The following PTPRD variants were observed in gnomAD, a reference collection of about 807,000 sequenced individuals.
PTPRD encodes the protein receptor-type tyrosine-protein phosphatase delta.
PTPRD carries 34 observed loss-of-function variants against 214.5 expected under a neutral mutation model. That is an observed-to-expected ratio of 0.16 (90% confidence interval 0.12 to 0.21). PTPRD has a LOEUF of 0.21. Ranked by LOEUF, PTPRD falls within the 10% of genes least tolerant of loss-of-function variation. The probability of loss-of-function intolerance (pLI) is 1.00; values close to 1 mark genes in which losing one functional copy is unlikely to be tolerated. For synonymous variants in PTPRD, 1,128 were observed against 845.7 expected (o/e 1.33, Z -5.79); for missense variants, 2,545 against 2,398.7 (o/e 1.06, Z -1.27).
chr9:9,223,237 A>G (rs566052031), intron 9 of PTPRD, among the ~76,000 whole-genome samples: 12 of 152,054 alleles, frequency 7.9e-5, no homozygotes, highest in African/African-American at 2.2e-4. Flanking sequence ...TCAACATGTC[A>G]TCATAATACT....
At chr9:8,603,606 G>A (rs9792461) in intron 14 of PTPRD, among the ~76,000 whole-genome samples, 16,668 of 152,102 alleles carry the variant, frequency 0.11, 936 homozygotes, top group East Asian at 0.18. Context: ...GCTGTCAATA[G>A]AAGTCACCCG....
chr9:9,777,426 G>A (rs754293830), intron 5 of PTPRD, among the ~76,000 whole-genome samples: 4 of 152,104 alleles, frequency 2.6e-5, no homozygotes, highest in Non-Finnish European at 5.9e-5. Flanking sequence ...TAGGTGTGGT[G>A]GCTAATGCTT....
At chr9:9,958,427 A>C (rs929621780) in intron 4 of PTPRD, among the ~76,000 whole-genome samples, 1 of 152,158 alleles carries the variant, frequency 6.6e-6, no homozygotes, top group African/African-American at 2.4e-5. Flanking sequence ...GCTACTAGGG[A>C]GACTGAGGCA....
intron 7 of PTPRD, among the ~76,000 whole-genome samples, chr9:9,730,109 G>C (rs1473534190): frequency 6.6e-6 from 1 of 151,926 alleles, no homozygotes; most frequent in Non-Finnish European, 1.5e-5. Flanking sequence ...AATATTTTTG[G>C]TACATATAAA....
At chr9:9,107,669 C>A (rs902649246) in intron 10 of PTPRD, among the ~76,000 whole-genome samples, 20 of 152,108 alleles carry the variant, frequency 1.3e-4, no homozygotes, top group Admixed American at 1.2e-3. Context: ...TTGTCCTTGT[C>A]CCCTTTGGTT....
intron 3 of PTPRD, among the ~76,000 whole-genome samples, chr9:10,285,387 T>C (rs1451749446): frequency 6.6e-6 from 1 of 152,168 alleles, no homozygotes; most frequent in East Asian, 1.9e-4. Flanking sequence ...AACATCAAAA[T>C]GTTGCATATT....
chr9:8,327,593 C>A (rs558137523), intron 44 of PTPRD, among the ~76,000 whole-genome samples: 120 of 152,180 alleles, frequency 7.9e-4, no homozygotes, highest in Admixed American at 3.5e-3. Flanking sequence ...AATGTCCTTG[C>A]TAATGTTCTA....
intron 8 of PTPRD, among the ~76,000 whole-genome samples, chr9:9,557,489 G>A (rs2081836361): frequency 6.6e-6 from 1 of 152,064 alleles, no homozygotes; most frequent in Non-Finnish European, 1.5e-5. Context: ...TCTCTCGGGA[G>A]AAAAAAATCT....
intron 8 of PTPRD, among the ~76,000 whole-genome samples, chr9:9,405,134 A>C (rs2141587802): frequency 6.6e-6 from 1 of 152,192 alleles, no homozygotes; most frequent in South Asian, 2.1e-4. Context: ...ATTCCTTTCA[A>C]AATCTAAAAC....
chr9:10,487,965 AGT>A (rs1491348850), intron 2 of PTPRD, among the ~76,000 whole-genome samples: 1 of 51,662 alleles, frequency 1.9e-5, no homozygotes, highest in African/African-American at 7.4e-5. Context: ...AAATGAACAC[AGT>A]CTCTCTCTCT....
intron 7 of PTPRD, among the ~76,000 whole-genome samples, chr9:9,621,942 A>G (rs148219047): frequency 3.7e-4 from 57 of 152,322 alleles, no homozygotes; most frequent in African/African-American, 1.3e-3. Flanking sequence ...AGTAAGGCAA[A>G]TAAGCTTAGG....
At chr9:9,395,888 G>C (rs1259411528) in intron 9 of PTPRD, among the ~76,000 whole-genome samples, 2 of 152,036 alleles carry the variant, frequency 1.3e-5, no homozygotes. Context: ...AACCATTGTT[G>C]TTGCTTTTTG....
At chr9:8,415,764 A>G (rs1234018521) in intron 35 of PTPRD, among the ~76,000 whole-genome samples, 2 of 152,142 alleles carry the variant, frequency 1.3e-5, no homozygotes, top group Non-Finnish European at 2.9e-5. Flanking sequence ...GAGGACGATG[A>G]CCATGAAAAT....
At chr9:9,429,788 C>A (rs2082358633) in intron 8 of PTPRD, among the ~76,000 whole-genome samples, 1 of 152,088 alleles carries the variant, frequency 6.6e-6, no homozygotes, top group Non-Finnish European at 1.5e-5. Context: ...CGAACAGAAC[C>A]CAAGACAAAA....
intron 5 of PTPRD, among the ~76,000 whole-genome samples, chr9:9,776,302 C>T (rs2098798361): frequency 1.3e-5 from 2 of 152,144 alleles, no homozygotes; most frequent in Non-Finnish European, 2.9e-5. Context: ...CATACCATCC[C>T]CCTTTCCATC....
At chr9:9,461,207 A>AG (rs1047959513) in intron 8 of PTPRD, among the ~76,000 whole-genome samples, 1 of 151,730 alleles carries the variant, frequency 6.6e-6, no homozygotes, top group African/African-American at 2.4e-5. Context: ...GTTAAAAAAA[A>AG]ACTACCTATT....
chr9:8,846,801 G>T (rs1208011258), intron 11 of PTPRD, among the ~76,000 whole-genome samples: 1 of 152,290 alleles, frequency 6.6e-6, no homozygotes, highest in East Asian at 1.9e-4. Flanking sequence ...CAGAGGAAAG[G>T]ACATCAAAGG....
intron 12 of PTPRD, among the ~76,000 whole-genome samples, chr9:8,694,676 G>A (rs1478384778): frequency 2.0e-5 from 3 of 152,274 alleles, no homozygotes; most frequent in South Asian, 2.1e-4. Flanking sequence ...AGAAAATGAA[G>A]CAAAATTCAC....
intron 8 of PTPRD, among the ~76,000 whole-genome samples, chr9:9,406,847 C>CTTT (rs35972215): frequency 5.4e-4 from 79 of 145,536 alleles, no homozygotes; most frequent in African/African-American, 1.1e-3. Context: ...TTTCTTCTTT[C>CTTT]TTTTTTTTTT....
Sources: allele counts gnomAD v4.1 joint callset (sites outside exome capture counted in the v4.1 genomes callset), GRCh38; gene constraint gnomAD v4.1.1; transcripts MANE v1.5; gene names NCBI Gene and HGNC (gene_info 2026-07-23, HGNC 2026-07-21).